Variants in ABCA13 observed in about 807,000 individuals in gnomAD.
ABCA13 encodes ATP binding cassette subfamily A member 13, also known as ATP-binding cassette sub-family A member 13.
In ABCA13, 476 loss-of-function variants were observed where a neutral mutation model predicts 478.7. The ratio of observed to expected loss-of-function variants is 0.99; its 90% CI spans 0.92 to 1.07. The LOEUF is 1.07. Among genes scored for constraint, ABCA13 ranks in the 50% least tolerant of loss-of-function variants. The pLI is 0.00. For missense variants in ABCA13, 6,060 were observed against 5,910.6 expected, an observed-to-expected ratio of 1.03 and a Z score of -0.83; for synonymous variants, 2,252 against 2,158.9, an observed-to-expected ratio of 1.04 and a Z score of -1.20.
At chr7:48,472,560 C>G (rs1296983142) in intron 45 of ABCA13, among the ~76,000 whole-genome samples, 1 of 152,070 alleles carries the variant, frequency 6.6e-6, no homozygotes, top group African/African-American at 2.4e-5. Context: ...AGGATGTGGA[C>G]ACACCAAGAG....
chr7:48,471,352 C>T (rs1463122973), intron 44 of ABCA13, among the ~76,000 whole-genome samples, 178 bp from the exon 45 acceptor site: 1 of 152,198 alleles, frequency 6.6e-6, no homozygotes, highest in African/African-American at 2.4e-5. Flanking sequence ...TGTAATAAAA[C>T]ATTGTCATCA....
At chr7:48,534,866 A>T (rs1046110251) in intron 55 of ABCA13, among the ~76,000 whole-genome samples, 13 of 152,112 alleles carry the variant, frequency 8.5e-5, no homozygotes, top group Admixed American at 4.6e-4. Flanking sequence ...TGTGATTTTA[A>T]AAAATTTATG....
chr7:48,613,896 CAT>C (rs1478654752), intron 58 of ABCA13, among the ~76,000 whole-genome samples: 1 of 147,610 alleles, frequency 6.8e-6, no homozygotes, highest in Non-Finnish European at 1.5e-5. Flanking sequence ...AATTTTGTAA[CAT>C]ATTTCAAATT....
At chr7:48,399,191 G>T (rs916067277) in intron 38 of ABCA13, among the ~76,000 whole-genome samples, 26 of 152,194 alleles carry the variant, frequency 1.7e-4, no homozygotes, top group African/African-American at 6.3e-4. Context: ...AAGGAAAAGT[G>T]AGGTCAAGAG....
chr7:48,334,554 C>T (rs1805933856), intron 27 of ABCA13, among the ~76,000 whole-genome samples: 1 of 152,198 alleles, frequency 6.6e-6, no homozygotes, highest in African/African-American at 2.4e-5. Context: ...CCAGGATGGT[C>T]TCAATCTCCT....
chr7:48,573,635 G>T (rs908176115), intron 55 of ABCA13, among the ~76,000 whole-genome samples: 1 of 152,132 alleles, frequency 6.6e-6, no homozygotes, highest in Admixed American at 6.6e-5. Context: ...TTGGGAGGCT[G>T]AGGTGGGAGG....
At chr7:48,286,355 A>C (rs1797739078) in intron 19 of ABCA13, among the ~76,000 whole-genome samples, 1 of 152,084 alleles carries the variant, frequency 6.6e-6, no homozygotes, top group Non-Finnish European at 1.5e-5. Flanking sequence ...TCTAGCCCCT[A>C]GCAACCACGG....
chr7:48,456,373 C>T (rs1444647212), intron 43 of ABCA13, among the ~76,000 whole-genome samples: 3 of 152,194 alleles, frequency 2.0e-5, no homozygotes, highest in Non-Finnish European at 4.4e-5. Context: ...TCAGTTTGTT[C>T]CCTCCTTGTC....
intron 42 of ABCA13, among the ~76,000 whole-genome samples, chr7:48,450,892 TTAC>T (rs1298206061): frequency 6.6e-6 from 1 of 152,188 alleles, no homozygotes; most frequent in African/African-American, 2.4e-5. Flanking sequence ...TTAATGTATT[TTAC>T]TACATCCTTG....
chr7:48,518,238 G>C (rs1414496848), intron 52 of ABCA13, among the ~76,000 whole-genome samples: 1 of 152,168 alleles, frequency 6.6e-6, no homozygotes, highest in Non-Finnish European at 1.5e-5. Context: ...CTCCCTCATC[G>C]GATCTCTAGC....
At chr7:48,479,411 C>T (rs924701734) in intron 45 of ABCA13, among the ~76,000 whole-genome samples, 1 of 151,884 alleles carries the variant, frequency 6.6e-6, no homozygotes, top group Non-Finnish European at 1.5e-5. Flanking sequence ...CTAATTTTTG[C>T]ATTTTTATTA....
intron 35 of ABCA13, among the ~76,000 whole-genome samples, chr7:48,380,242 G>A (rs1814134674): frequency 6.6e-6 from 1 of 152,110 alleles, no homozygotes; most frequent in Non-Finnish European, 1.5e-5. Flanking sequence ...ACAATTTAGT[G>A]CATTTTCTAA....
chr7:48,175,096 T>G (rs1011340096), intron 1 of ABCA13, among the ~76,000 whole-genome samples: 2 of 152,250 alleles, frequency 1.3e-5, no homozygotes, highest in African/African-American at 4.8e-5. Flanking sequence ...ATAGTTCCAG[T>G]GCAATGCCAT....
At chr7:48,225,216 C>T (rs1017904832) in intron 5 of ABCA13, among the ~76,000 whole-genome samples, 3 of 148,704 alleles carry the variant, frequency 2.0e-5, no homozygotes, top group Non-Finnish European at 3.0e-5. Context: ...TTACTTCCTT[C>T]CTTCCCTCCC....
chr7:48,413,809 A>G lies in ABCA13; in HGVS notation c.12459+1226A>G, dbSNP rs76789416. Among the ~76,000 whole-genome samples the G allele has an allele frequency of 2.7e-3, 418 of 152,374 alleles. 4 individuals are homozygous for G. The highest frequency in any genetic ancestry group is 9.3e-3 in the African/African-American group (387 of 41,588). Reference sequence around the variant, plus strand: ...AAAATATTACAAAATGCTTTTATACATAGAATGTATTTGGTTCCCCTGAAA... The same window carrying G: ...AAAATATTACAAAATGCTTTTATACGTAGAATGTATTTGGTTCCCCTGAAA... On this transcript the variant is annotated intron_variant, in intron 41 of 61. Transcript: ENST00000435803.
At chr7:48,525,950 C>G (rs1364734234) in intron 54 of ABCA13, among the ~76,000 whole-genome samples, 1 of 151,952 alleles carries the variant, frequency 6.6e-6, no homozygotes, top group Non-Finnish European at 1.5e-5. Flanking sequence ...CCCACGTGTT[C>G]TCATTGTTCA....
chr7:48,385,683 G>T (rs529277681), intron 35 of ABCA13, among the ~76,000 whole-genome samples: 2 of 152,190 alleles, frequency 1.3e-5, no homozygotes, highest in South Asian at 2.1e-4. Context: ...CTCAGTAATG[G>T]GATTACTGGG....
intron 23 of ABCA13, among the ~76,000 whole-genome samples, chr7:48,305,255 G>A (rs779598784): frequency 2.0e-5 from 3 of 151,676 alleles, no homozygotes; most frequent in African/African-American, 4.9e-5. Flanking sequence ...GAAGTCAGAC[G>A]GTAAGAGCTG....
intron 35 of ABCA13, among the ~76,000 whole-genome samples, chr7:48,387,072 G>A (rs962241195): frequency 6.6e-6 from 1 of 151,954 alleles, no homozygotes; most frequent in Non-Finnish European, 1.5e-5. Context: ...TAGAATGTGC[G>A]AGGGCTTGCA....
Sources: gnomAD v4.1 joint callset for allele counts (sites outside exome capture counted in the v4.1 genomes callset) on GRCh38, gnomAD v4.1.1 for gene constraint, MANE v1.5 for transcripts, NCBI Gene and HGNC (gene_info 2026-07-23, HGNC 2026-07-21) for gene names.